The following IGFBP7 variants were observed in gnomAD, a reference collection of about 807,000 sequenced individuals.
IGFBP7 encodes insulin-like growth factor-binding protein 7.
In IGFBP7, 31 loss-of-function variants were observed where a neutral mutation model predicts 29.4. The ratio of observed to expected loss-of-function variants is 1.05; its 90% CI spans 0.79 to 1.42. The LOEUF (loss-of-function observed/expected upper bound fraction) is 1.42. Ranked by LOEUF, IGFBP7 falls within the 40% of genes most tolerant of loss-of-function variation. The probability of loss-of-function intolerance (pLI) is 0.00; values close to 1 mark genes in which losing one functional copy is unlikely to be tolerated. For missense variants in IGFBP7, 393 were observed against 395.5 expected, an observed-to-expected ratio of 0.99 and a Z score of 0.05; for synonymous variants, 172 against 174.9, an observed-to-expected ratio of 0.98 and a Z score of 0.13.
intron 1 of IGFBP7, among the ~76,000 whole-genome samples, chr4:57,084,109 T>A (rs1725438958): frequency 6.6e-6 from 1 of 152,204 alleles, no homozygotes; most frequent in South Asian, 2.1e-4. Flanking sequence ...TAAAGTTAAC[T>A]AAAAAATAAA....
chr4:57,107,187 C>T (rs1459356739), intron 1 of IGFBP7, among the ~76,000 whole-genome samples: 3 of 152,128 alleles, frequency 2.0e-5, no homozygotes, highest in Non-Finnish European at 4.4e-5. Context: ...CTGTTTTGTA[C>T]ATCCCTGGTA....
intron 1 of IGFBP7, among the ~76,000 whole-genome samples, chr4:57,047,304 T>C (rs1724386695): frequency 6.6e-6 from 1 of 152,220 alleles, no homozygotes; most frequent in African/African-American, 2.4e-5. Context: ...AAGATGTGAC[T>C]TTGCTCCTCC....
intron 1 of IGFBP7, among the ~76,000 whole-genome samples, chr4:57,043,020 C>T (rs1195138522): frequency 1.2e-4 from 18 of 152,198 alleles, no homozygotes; most frequent in Admixed American, 1.2e-3. Context: ...CAACAGATAC[C>T]GAGAGAGCGG....
intron 1 of IGFBP7, among the ~76,000 whole-genome samples, chr4:57,088,007 C>T (rs1302259946): frequency 2.0e-5 from 3 of 152,142 alleles, no homozygotes; most frequent in African/African-American, 7.2e-5. Context: ...TTTGCTTTGT[C>T]ACCCAGGCTG....
At chr4:57,087,777 A>C (rs1456770085) in intron 1 of IGFBP7, among the ~76,000 whole-genome samples, 1 of 152,222 alleles carries the variant, frequency 6.6e-6, no homozygotes, top group East Asian at 1.9e-4. Context: ...CCTTTAATAC[A>C]GGTCCTGCTT....
chr4:57,040,719 G>T, intron 2 of IGFBP7, 105 bp downstream of exon 2: 1 of 843,948 alleles, frequency 1.2e-6, no homozygotes, highest in Non-Finnish European at 2.0e-6. Context: ...CCTTGCGGGA[G>T]CCGCAGTCAA....
intron 1 of IGFBP7, among the ~76,000 whole-genome samples, chr4:57,062,195 G>T (rs1268919236): frequency 6.6e-6 from 1 of 152,090 alleles, no homozygotes; most frequent in Non-Finnish European, 1.5e-5. Flanking sequence ...CGTATGGCTG[G>T]AGTGTTGTGT....
intron 1 of IGFBP7, among the ~76,000 whole-genome samples, chr4:57,062,953 A>C (rs1299313012): frequency 2.0e-5 from 3 of 152,146 alleles, no homozygotes; most frequent in African/African-American, 7.2e-5. Flanking sequence ...TAAACTGTAA[A>C]ATCCAGAATA....
At chr4:57,078,484 TAA>T (rs558252416) in intron 1 of IGFBP7, among the ~76,000 whole-genome samples, 3 of 143,070 alleles carry the variant, frequency 2.1e-5, no homozygotes, top group African/African-American at 2.6e-5. Context: ...CAAACTTGTC[TAA>T]AAAAAAAAAA....
At chr4:57,070,656 G>A (rs1725032096) in intron 1 of IGFBP7, among the ~76,000 whole-genome samples, 1 of 152,154 alleles carries the variant, frequency 6.6e-6, no homozygotes, top group Admixed American at 6.5e-5. Context: ...CTTACTGCAG[G>A]CCTGAACCAT....
chr4:57,076,243 A>G (rs1223849468), intron 1 of IGFBP7, among the ~76,000 whole-genome samples: 3 of 152,224 alleles, frequency 2.0e-5, no homozygotes, highest in African/African-American at 7.2e-5. Flanking sequence ...TGTGAATACC[A>G]TCACACTGGG....
intron 1 of IGFBP7, among the ~76,000 whole-genome samples, chr4:57,047,711 C>A (rs968252298): frequency 3.9e-5 from 6 of 152,172 alleles, no homozygotes; most frequent in South Asian, 2.1e-4. Context: ...AGAATCTCCA[C>A]CTAAGTCTGC....
At chr4:57,087,115 C>T (rs1356504491) in intron 1 of IGFBP7, among the ~76,000 whole-genome samples, 1 of 152,158 alleles carries the variant, frequency 6.6e-6, no homozygotes, top group Non-Finnish European at 1.5e-5. Context: ...ACGGTAACCC[C>T]CTGGAAACTG....
At chr4:57,085,581 TTGTA>T (rs10570209) in intron 1 of IGFBP7, among the ~76,000 whole-genome samples, 123,179 of 151,734 alleles carry the variant, frequency 0.81, 50,095 homozygotes, top group East Asian at 0.96. Flanking sequence ...AGATAGTCAG[TTGTA>T]TGTAGTTTTC....
chr4:57,061,277 G>GTA (rs1203992840), intron 1 of IGFBP7, among the ~76,000 whole-genome samples: 1 of 151,936 alleles, frequency 6.6e-6, no homozygotes, highest in Non-Finnish European at 1.5e-5. Context: ...ACTTTATACA[G>GTA]TATATATTAA....
intron 1 of IGFBP7, among the ~76,000 whole-genome samples, chr4:57,097,929 A>C (rs1725798962): frequency 6.6e-6 from 1 of 152,200 alleles, no homozygotes; most frequent in Non-Finnish European, 1.5e-5. Context: ...AGACCTGTCA[A>C]ACCCACAGTC....
chr4:57,106,621 A>T (rs971512469), intron 1 of IGFBP7, among the ~76,000 whole-genome samples: 2 of 152,200 alleles, frequency 1.3e-5, no homozygotes, highest in African/African-American at 4.8e-5. Flanking sequence ...GGTACTAATA[A>T]GGGAGACCCT....
chr4:57,110,035 C>G lies in IGFBP7; in HGVS notation c.317G>C (p.Gly106Ala). 4 of 1,558,226 alleles carry G rather than the reference C, an allele frequency of 2.6e-6. No individual in the cohort carries two copies. Among genetic ancestry groups the G allele is most frequent in the East Asian group, 2.4e-5 (1 of 42,288 alleles). Residue 106 changes from glycine to alanine, a missense_variant, in exon 1 of 5, where the codon GGT becomes GCT. Physicochemically the swap from Gly to Ala is moderately conservative, Grantham distance 60 (BLOSUM62 0). Transcript: ENST00000295666. ...GKAGAAAGGP[G>A]VSGVCVCKSR... is the part of the protein sequence containing the mutation. The stretch of plus-strand genomic sequence containing the variant: ...CTTGCACACGCACACGCCGCTTACA[C>G]CCGGACCGCCGGCTGCTGCCCCGGC...
At chr4:57,058,943 T>C (rs1206850635) in intron 1 of IGFBP7, among the ~76,000 whole-genome samples, 1 of 152,122 alleles carries the variant, frequency 6.6e-6, no homozygotes. Context: ...AGGACATGAA[T>C]GGACACTTTT....
Sources: allele counts gnomAD v4.1 joint callset (sites outside exome capture counted in the v4.1 genomes callset), GRCh38; gene constraint gnomAD v4.1.1; transcripts MANE v1.5; gene names NCBI Gene and HGNC (gene_info 2026-07-23, HGNC 2026-07-21).